The following ANXA5 variants were observed in gnomAD, a reference collection of about 807,000 sequenced individuals.
ANXA5 encodes annexin A5.
A neutral mutation model predicts 48.1 loss-of-function variants in ANXA5; 40 were observed. The ratio of observed to expected loss-of-function variants is 0.83; its 90% confidence interval spans 0.65 to 1.08. ANXA5 has a LOEUF of 1.08. Among genes scored for constraint, ANXA5 ranks in the 50% least tolerant of loss-of-function variants. The pLI, the probability that ANXA5 is intolerant of heterozygous loss-of-function variation, is 0.00. For missense variants in ANXA5, 357 were observed against 376.8 expected (o/e 0.95, Z 0.44); for synonymous variants, 113 against 129.1 (o/e 0.88, Z 0.85).
At chr4:121,676,736 G>C (rs1201807187) in intron 8 of ANXA5, among the ~76,000 whole-genome samples, 1 of 151,950 alleles carries the variant, frequency 6.6e-6, no homozygotes, top group Non-Finnish European at 1.5e-5. Flanking sequence ...TATCTAAGCT[G>C]AAGACTGACT....
chr4:121,669,012 T>C (rs1226866338), intron 12 of ANXA5, among the ~76,000 whole-genome samples: 1 of 151,176 alleles, frequency 6.6e-6, no homozygotes, highest in African/African-American at 2.4e-5. Flanking sequence ...TTCTGCTCAA[T>C]TGAAATCTTG....
chr4:121,694,660 G>T (rs754159556), intron 2 of ANXA5, among the ~76,000 whole-genome samples: 1 of 152,198 alleles, frequency 6.6e-6, no homozygotes, highest in African/African-American at 2.4e-5. Flanking sequence ...TAGGATTACA[G>T]GCATGAGCCA....
At chr4:121,692,297 T>C (rs1725000416) in intron 2 of ANXA5, among the ~76,000 whole-genome samples, 1 of 152,202 alleles carries the variant, frequency 6.6e-6, no homozygotes, top group African/African-American at 2.4e-5. Context: ...ATTTTTGTTG[T>C]GTATTTCTTT....
At chr4:121,670,437 C>T (rs1391425042) in intron 10 of ANXA5, among the ~76,000 whole-genome samples, 1 of 152,092 alleles carries the variant, frequency 6.6e-6, no homozygotes, top group African/African-American at 2.4e-5. Context: ...TTTTTAAACT[C>T]TTGGGTGATC....
chr4:121,680,106 T>G (rs1169303320), intron 6 of ANXA5, among the ~76,000 whole-genome samples: 2 of 152,134 alleles, frequency 1.3e-5, no homozygotes, highest in Non-Finnish European at 2.9e-5. Context: ...TTCTATGAGT[T>G]CAATTTTTTT....
intron 10 of ANXA5, 112 bp downstream of exon 10, chr4:121,671,435 C>A: frequency 2.8e-6 from 2 of 708,626 alleles, no homozygotes; most frequent in South Asian, 1.9e-5. Context: ...CCCTAAATAT[C>A]ATATCAAGCT....
intron 8 of ANXA5, among the ~76,000 whole-genome samples, chr4:121,677,560 G>A (rs1354217831): frequency 6.6e-6 from 1 of 152,098 alleles, no homozygotes; most frequent in Non-Finnish European, 1.5e-5. Flanking sequence ...CTCCTGCTAA[G>A]AGACCCACTG....
intron 2 of ANXA5, among the ~76,000 whole-genome samples, chr4:121,691,775 G>GAAA (rs1724989028): frequency 1.3e-5 from 2 of 152,056 alleles, no homozygotes; most frequent in Admixed American, 1.3e-4. Flanking sequence ...TTAGAGGCCC[G>GAAA]TTAATATTTC....
rs761479219 is a variant in ANXA5 at position 121,694,759 on chromosome 4, ACT to A, written c.9+1820_9+1821del. Among the ~76,000 whole-genome samples the A allele has an allele frequency of 1.2e-3, 175 of 152,154 alleles. 1 individual carries two copies. Among genetic ancestry groups the A allele is most frequent in the Middle Eastern group, 3.4e-3 (1 of 294 alleles). On this transcript the variant is annotated intron_variant, in intron 2 of 12. Coordinates refer to ENST00000296511, the MANE Select transcript of ANXA5 (RefSeq NM_001154.4). ...TAACAAAACTAGAACAAAATTTAAC[ACT>A]CTGTATCTTTTTTAAAACATTACTT...
At position 121,668,543 on chromosome 4, in the gene ANXA5, T is replaced by C. The variant is rs749412885; in HGVS notation, c.904-16A>G. The C allele has an allele frequency of 1.9e-5, 30 of 1,610,836 alleles. No individual in the cohort carries two copies. The Middle Eastern group carries it at 4.9e-4, about 27-fold the overall frequency. On this transcript the variant is annotated splice_polypyrimidine_tract_variant and intron_variant, in intron 12 of 12. Transcript: ENST00000296511. Reference sequence around the variant, plus strand: ...ATGTATCTCCCTGAAACCAAATGTATTCCATTAACCTCCATGACTCACAGA... The same window carrying C: ...ATGTATCTCCCTGAAACCAAATGTACTCCATTAACCTCCATGACTCACAGA...
intron 8 of ANXA5, among the ~76,000 whole-genome samples, chr4:121,673,428 A>G (rs756734629): frequency 6.6e-6 from 1 of 152,198 alleles, no homozygotes; most frequent in African/African-American, 2.4e-5. Flanking sequence ...CTAAGTCTAC[A>G]TATTAAAGCA....
intron 8 of ANXA5, among the ~76,000 whole-genome samples, chr4:121,673,820 T>C (rs6534308): frequency 0.91 from 138,715 of 152,142 alleles, 63,985 homozygotes; most frequent in Non-Finnish European, 0.97. Context: ...CTTTTAAAAT[T>C]TAATTACAAA....
At chr4:121,683,625 CT>C in intron 4 of ANXA5, 148 bp from the exon 5 acceptor site, 1 of 479,758 alleles carries the variant, frequency 2.1e-6, no homozygotes, top group South Asian at 4.1e-5. Flanking sequence ...ACCCTATAAC[CT>C]TGAATAACAT....
At chr4:121,681,834 T>C in intron 5 of ANXA5, 73 bp from the exon 6 acceptor site, 1 of 1,069,852 alleles carries the variant, frequency 9.3e-7, no homozygotes, top group Non-Finnish European at 1.4e-6. Flanking sequence ...AAGTTATAGA[T>C]GTTACCCAAA....
intron 2 of ANXA5, among the ~76,000 whole-genome samples, chr4:121,696,132 T>C (rs987338850): frequency 1.7e-5 from 2 of 116,218 alleles, no homozygotes; most frequent in Non-Finnish European, 3.3e-5. Flanking sequence ...AATCACAGTA[T>C]TAAAATACAG....
At chr4:121,670,320 G>A (rs2306420) in intron 10 of ANXA5, among the ~76,000 whole-genome samples, 31,955 of 152,102 alleles carry the variant, frequency 0.21, 4,092 homozygotes, top group Non-Finnish European at 0.29. Flanking sequence ...AGCCTGGATT[G>A]TTATCATAAT....
rs1724553734 is a variant in ANXA5 at position 121,668,265 on chromosome 4, A to AGT, written c.*202_*203insAC. 1.9e-6 allele frequency: 1 copy of AGT among 528,590 alleles called. No individual in the cohort carries two copies. Among genetic ancestry groups the AGT allele is most frequent in the Non-Finnish European group, 3.4e-6 (1 of 295,846 alleles). 32.7% of individuals were successfully genotyped at this position (528,590 alleles called of 1,614,324 possible). On this transcript the variant is annotated 3_prime_UTR_variant, in exon 13 of 13. Transcript: ENST00000296511. ...TTAGTAACATTAAGTACACTTTAGT[A>AGT]CTACAGCAGTCAAAGAGATCTCCAC...
intron 4 of ANXA5, 65 bp downstream of exon 4, chr4:121,684,612 T>A (rs1014608162): frequency 1.5e-6 from 2 of 1,349,306 alleles, no homozygotes; most frequent in African/African-American, 2.9e-5. Flanking sequence ...ATCAGTATAT[T>A]CCAAACTAGT....
chr4:121,695,909 A>AG, intron 2 of ANXA5, among the ~76,000 whole-genome samples: 1 of 151,730 alleles, frequency 6.6e-6, no homozygotes, highest in East Asian at 1.9e-4. Context: ...CTCAAAAAAA[A>AG]AGGAAAAAAA....
Sources: allele counts gnomAD v4.1 joint callset (sites outside exome capture counted in the v4.1 genomes callset), GRCh38; gene constraint gnomAD v4.1.1; transcripts MANE v1.5; gene names NCBI Gene and HGNC (gene_info 2026-07-23, HGNC 2026-07-21).